PAFAH1B1: variants seen among roughly 807,000 people sequenced by gnomAD.
PAFAH1B1 encodes platelet-activating factor acetylhydrolase IB subunit beta.
Under a neutral mutation model 57.5 loss-of-function variants are expected in PAFAH1B1, and 2 were observed. The ratio of observed to expected loss-of-function variants is 0.03; its 90% CI spans 0.01 to 0.11. PAFAH1B1 has a LOEUF of 0.11. Among genes scored for constraint, PAFAH1B1 ranks in the 10% least tolerant of loss-of-function variants. PAFAH1B1 has a pLI of 1.00. For missense variants in PAFAH1B1, 257 were observed against 512.0 expected, an observed-to-expected ratio of 0.50 and a Z score of 4.81; for synonymous variants, 152 against 169.6, an observed-to-expected ratio of 0.90 and a Z score of 0.81.
intron 8 of PAFAH1B1, 50 bp from the exon 9 acceptor site, chr17:2,676,455 A>G: frequency 8.9e-7 from 1 of 1,129,906 alleles, no homozygotes; most frequent in South Asian, 1.2e-5. Flanking sequence ...TTTAAAGTCC[A>G]TACCTAACTT....
intron 1 of PAFAH1B1, among the ~76,000 whole-genome samples, chr17:2,605,168 ATGT>A (rs994565895): frequency 1.3e-5 from 2 of 152,212 alleles, no homozygotes; most frequent in African/African-American, 4.8e-5. Context: ...GTGACATTAA[ATGT>A]TGTTGAGTGG....
chr17:2,678,399 T>C (rs1458144206), intron 9 of PAFAH1B1, among the ~76,000 whole-genome samples: 20 of 54,450 alleles, frequency 3.7e-4, no homozygotes, highest in African/African-American at 5.2e-4. Context: ...TGAAACCATC[T>C]CAAAAAAAAA....
intron 2 of PAFAH1B1, among the ~76,000 whole-genome samples, chr17:2,664,632 T>A (rs1056248555): frequency 6.7e-6 from 1 of 148,264 alleles, no homozygotes; most frequent in Non-Finnish European, 1.5e-5. Context: ...CTCCAACTCC[T>A]GACTTTGTGA....
chr17:2,659,015 C>T (rs2151652396), intron 2 of PAFAH1B1, among the ~76,000 whole-genome samples: 1 of 151,436 alleles, frequency 6.6e-6, no homozygotes, highest in South Asian at 2.1e-4. Context: ...GCACTTTGGG[C>T]CAAGGTGGAC....
At chr17:2,668,765 G>A (rs543465850) in intron 5 of PAFAH1B1, among the ~76,000 whole-genome samples, 23 of 152,170 alleles carry the variant, frequency 1.5e-4, no homozygotes, top group Non-Finnish European at 3.4e-4. Context: ...CATGAGGTCA[G>A]GAGATCGAGA....
chr17:2,642,677 G>A (rs1428198741), intron 2 of PAFAH1B1, among the ~76,000 whole-genome samples: 12 of 152,102 alleles, frequency 7.9e-5, no homozygotes, highest in African/African-American at 1.9e-4. Flanking sequence ...CCAGACATCC[G>A]GGAAAGGATT....
At chr17:2,627,769 T>C (rs914291059) in intron 1 of PAFAH1B1, among the ~76,000 whole-genome samples, 5 of 152,188 alleles carry the variant, frequency 3.3e-5, no homozygotes, top group African/African-American at 1.2e-4. Context: ...TTGGCAACAT[T>C]TTATAGTTTT....
intron 1 of PAFAH1B1, among the ~76,000 whole-genome samples, chr17:2,603,334 A>G (rs950215905): frequency 1.3e-5 from 2 of 152,038 alleles, no homozygotes; most frequent in African/African-American, 4.8e-5. Context: ...ATTTTTCAAA[A>G]TACAGGCCAG....
At chr17:2,598,780 A>G (rs752926396) in intron 1 of PAFAH1B1, among the ~76,000 whole-genome samples, 1 of 152,180 alleles carries the variant, frequency 6.6e-6, no homozygotes, top group Non-Finnish European at 1.5e-5. Flanking sequence ...AAGATGCTGT[A>G]TTATGTAAGC....
chr17:2,670,837 G>C (rs1007637637), intron 6 of PAFAH1B1, among the ~76,000 whole-genome samples: 2 of 152,064 alleles, frequency 1.3e-5, no homozygotes, highest in African/African-American at 4.8e-5. Context: ...CAGACACCTG[G>C]GTTCAAATTC....
rs1163014928 is a variant in PAFAH1B1, at chr17:2,683,301, A to G, written c.*1499A>G. 6.6e-6 allele frequency: 1 copy of G among 152,150 alleles called. No homozygotes were observed. The highest frequency in any genetic ancestry group is 2.1e-4 in the South Asian group (1 of 4,834). 9.4% of individuals were successfully genotyped at this position (152,150 alleles called of 1,614,324 possible). ...AAGAATTCCATTGCTTAGCTAACCA[A>G]CAGGTTTTTTTTGTTTCCAAGAGAG... On this transcript the variant is annotated 3_prime_UTR_variant, in exon 11 of 11. Coordinates refer to ENST00000397195, the MANE Select transcript of PAFAH1B1 (RefSeq NM_000430.4).
intron 1 of PAFAH1B1, among the ~76,000 whole-genome samples, chr17:2,624,617 A>G (rs2068465173): frequency 6.6e-6 from 1 of 152,208 alleles, no homozygotes; most frequent in South Asian, 2.1e-4. Context: ...AGCACAGGAA[A>G]GACTGGCCCC....
chr17:2,612,083 A>G (rs2068273656), intron 1 of PAFAH1B1, among the ~76,000 whole-genome samples: 1 of 152,138 alleles, frequency 6.6e-6, no homozygotes, highest in Non-Finnish European at 1.5e-5. Flanking sequence ...TAACCCTAGT[A>G]GTATCTTGGT....
chr17:2,629,967 T>C (rs374312404), intron 1 of PAFAH1B1, among the ~76,000 whole-genome samples: 1 of 152,188 alleles, frequency 6.6e-6, no homozygotes, highest in Non-Finnish European at 1.5e-5. Flanking sequence ...TTTAAATTTA[T>C]GTGAGTCCTT....
At position 2,617,909 on chromosome 17, in the gene PAFAH1B1, G is replaced by A. The variant is rs142397586; in HGVS notation, c.-190-20190G>A. ...ATTGCACTCCAGCCTGGGCAACAGA[G>A]CGAGACTCAGTCCCGCATCAAAAAA... On this transcript the variant is annotated intron_variant, in intron 1 of 10. Coordinates refer to ENST00000397195, the MANE Select transcript of PAFAH1B1 (RefSeq NM_000430.4). 6.3e-4 allele frequency among the ~76,000 whole-genome samples: 96 copies of A among 151,566 alleles called. 2 individuals carry two copies. The East Asian group carries it at 0.018, about 29-fold the overall frequency.
At position 2,683,415 on chromosome 17, in the gene PAFAH1B1, A is replaced by C. The variant is rs771285856; in HGVS notation, c.*1613A>C. 6.6e-6 allele frequency: 1 copy of C among 152,222 alleles called. No homozygotes were observed. Among genetic ancestry groups the C allele is most frequent in the Non-Finnish European group, 1.5e-5 (1 of 68,044 alleles). 9.4% of individuals were successfully genotyped at this position (152,222 alleles called of 1,614,324 possible). ...ACTGCGTTTTATTCATTTGTGTACT[A>C]TGTGATTTTTTAAATGTCCCCTTTA... On this transcript the variant is annotated 3_prime_UTR_variant, in exon 11 of 11. Coordinates refer to ENST00000397195, the MANE Select transcript of PAFAH1B1 (RefSeq NM_000430.4).
At chr17:2,655,192 T>TGTGTGC (rs2068921449) in intron 2 of PAFAH1B1, among the ~76,000 whole-genome samples, 1 of 146,804 alleles carries the variant, frequency 6.8e-6, no homozygotes, top group African/African-American at 2.7e-5. Flanking sequence ...TATGTGTGTG[T>TGTGTGC]GTGTGTGTGT....
Position 2,682,827 on chromosome 17 carries a change from A to G in PAFAH1B1, c.*1025A>G, listed in dbSNP as rs1049178554. 2 of 152,628 alleles carry G rather than the reference A, an allele frequency of 1.3e-5. No individual in the cohort carries two copies. The highest frequency in any genetic ancestry group is 4.8e-5 in the African/African-American group (2 of 41,454). The allele number at this position is 152,628 out of a possible 1,614,324, so 9.5% of individuals were successfully genotyped here. On this transcript the variant is annotated 3_prime_UTR_variant, in exon 11 of 11. Coordinates refer to ENST00000397195, the MANE Select transcript of PAFAH1B1 (RefSeq NM_000430.4). ...TGATTTAAACTGTGTTTCACTTACA[A>G]GTTTTAAAAAAATGACAGGGTTTAA...
chr17:2,666,196 G>A (rs2069105028), intron 4 of PAFAH1B1, 106 bp downstream of exon 4: 1 of 1,069,002 alleles, frequency 9.4e-7, no homozygotes, highest in Non-Finnish European at 1.3e-6. Flanking sequence ...TCTTTAAAAA[G>A]CAAATAAAAA....
Sources: gnomAD v4.1 joint callset for allele counts (sites outside exome capture counted in the v4.1 genomes callset) on GRCh38, gnomAD v4.1.1 for gene constraint, MANE v1.5 for transcripts, NCBI Gene and HGNC (gene_info 2026-07-23, HGNC 2026-07-21) for gene names.